FAM227B: variants seen among roughly 807,000 people sequenced by gnomAD.
FAM227B encodes the protein family with sequence similarity 227 member B, also known as protein FAM227B.
A neutral mutation model predicts 73.8 loss-of-function variants in FAM227B; 88 were observed. The ratio of observed to expected loss-of-function variants is 1.19; its 90% CI spans 1.00 to 1.42. The LOEUF is 1.42. FAM227B is among the 40% of genes most tolerant of loss of function. The probability of loss-of-function intolerance (pLI) is 0.00; values close to 1 mark genes in which losing one functional copy is unlikely to be tolerated. For missense variants in FAM227B, 632 were observed against 590.9 expected (o/e 1.07, Z -0.72); for synonymous variants, 210 against 190.5 (o/e 1.10, Z -0.84).
chr15:49,469,777 T>C (rs1373031633), intron 11 of FAM227B, among the ~76,000 whole-genome samples: 1 of 152,150 alleles, frequency 6.6e-6, no homozygotes, highest in Non-Finnish European at 1.5e-5. Flanking sequence ...AAGTGATTGA[T>C]AATAGCAGTA....
intron 11 of FAM227B, among the ~76,000 whole-genome samples, chr15:49,383,725 G>C (rs1305374129): frequency 6.6e-6 from 1 of 152,036 alleles, no homozygotes; most frequent in East Asian, 1.9e-4. Context: ...TAAGAAGTAA[G>C]TTATAAAAAA....
chr15:49,489,861 TATA>T (rs2056866887), intron 11 of FAM227B, among the ~76,000 whole-genome samples: 1 of 4,316 alleles, frequency 2.3e-4, no homozygotes, highest in African/African-American at 5.5e-4. Flanking sequence ...ATATATATTT[TATA>T]TATATATATA....
chr15:49,528,075 A>G (rs1282819944), intron 10 of FAM227B, among the ~76,000 whole-genome samples: 1 of 151,924 alleles, frequency 6.6e-6, no homozygotes, highest in Non-Finnish European at 1.5e-5. Flanking sequence ...ACAAAGTTGG[A>G]GGTATCACAT....
At chr15:49,359,623 AC>A (rs2043823704) in intron 13 of FAM227B, among the ~76,000 whole-genome samples, 1 of 125,600 alleles carries the variant, frequency 8.0e-6, no homozygotes. Flanking sequence ...AAATAGGAAC[AC>A]TTTTACACTG....
chr15:49,473,670 T>C lies in FAM227B; in HGVS notation c.1012+34541A>G, dbSNP rs545033804. Among the ~76,000 whole-genome samples, 4 of 152,256 alleles carry C rather than the reference T, an allele frequency of 2.6e-5. No homozygotes were observed. The South Asian group carries it at 6.2e-4, about 24-fold the overall frequency. On this transcript the variant is annotated intron_variant, in intron 11 of 15. Coordinates refer to ENST00000299338, the MANE Select transcript of FAM227B (RefSeq NM_152647.3). ...ATTTACAAATAGAAGAATAAAACTA[T>C]TTCTCTTATTTCAACATTTGGAAAC...
chr15:49,388,147 G>A (rs758129853), intron 11 of FAM227B, among the ~76,000 whole-genome samples: 1 of 151,648 alleles, frequency 6.6e-6, no homozygotes. Context: ...AATTCATATG[G>A]AACCAAAAAA....
chr15:49,558,902 A>C (rs2073996532), intron 9 of FAM227B, among the ~76,000 whole-genome samples: 1 of 151,682 alleles, frequency 6.6e-6, no homozygotes, highest in Non-Finnish European at 1.5e-5. Context: ...ACCAAAACTC[A>C]CTCATGTGGG....
chr15:49,558,187 A>G (rs1235211707), intron 9 of FAM227B, among the ~76,000 whole-genome samples: 4 of 151,970 alleles, frequency 2.6e-5, no homozygotes, highest in Non-Finnish European at 5.9e-5. Context: ...GAAAGCACCC[A>G]GACTAAAGAC....
At chr15:49,504,592 G>T (rs188843924) in intron 11 of FAM227B, among the ~76,000 whole-genome samples, 2 of 151,900 alleles carry the variant, frequency 1.3e-5, no homozygotes, top group Non-Finnish European at 2.9e-5. Flanking sequence ...TCATTCATGT[G>T]CATGTTAAAG....
intron 10 of FAM227B, among the ~76,000 whole-genome samples, chr15:49,536,961 C>T (rs1349520088): frequency 6.6e-6 from 1 of 151,980 alleles, no homozygotes; most frequent in African/African-American, 2.4e-5. Flanking sequence ...AGTCATAAAA[C>T]TTCTAAATGA....
chr15:49,554,769 T>G (rs1286823652), intron 9 of FAM227B, among the ~76,000 whole-genome samples: 1 of 152,160 alleles, frequency 6.6e-6, no homozygotes. Flanking sequence ...CTTGGCCTGA[T>G]TTTTGTTTTT....
chr15:49,328,081 T>C lies in FAM227B; in HGVS notation c.*487A>G, dbSNP rs1474164646. On this transcript the variant is annotated 3_prime_UTR_variant, in exon 16 of 16. Transcript: ENST00000299338. ...ACAAAGCTTATTACCAGAGGAGTGATGGAAGCTTAGCACCGGAGAAGCAAA... is the reference window on the plus strand; with the variant it reads ...ACAAAGCTTATTACCAGAGGAGTGACGGAAGCTTAGCACCGGAGAAGCAAA... 6.2e-7 allele frequency: 1 copy of C among 1,613,986 alleles called. No individual in the cohort carries two copies. Among genetic ancestry groups the C allele is most frequent in the Non-Finnish European group, 8.5e-7 (1 of 1,180,002 alleles).
intron 14 of FAM227B, 151 bp from the exon 15 acceptor site, chr15:49,332,000 G>A: frequency 1.7e-6 from 1 of 597,590 alleles, no homozygotes. Context: ...AACTTCTGAA[G>A]TAGGTACTCC....
chr15:49,367,692 C>T, intron 12 of FAM227B, 84 bp from the exon 13 acceptor site: 1 of 1,222,978 alleles, frequency 8.2e-7, no homozygotes, highest in Non-Finnish European at 1.1e-6. Context: ...TCATATTTAG[C>T]ATAAAGTTAC....
chr15:49,590,814 T>C (rs1311605309), intron 3 of FAM227B, among the ~76,000 whole-genome samples: 2 of 152,014 alleles, frequency 1.3e-5, no homozygotes, highest in Non-Finnish European at 2.9e-5. Flanking sequence ...CTTTAATCCA[T>C]TTCTCCCTTT....
intron 9 of FAM227B, among the ~76,000 whole-genome samples, chr15:49,567,439 T>C (rs1016377833): frequency 6.6e-6 from 1 of 152,104 alleles, no homozygotes; most frequent in Non-Finnish European, 1.5e-5. Flanking sequence ...CTACTAGTGA[T>C]AGTTTCTTTC....
At chr15:49,461,939 G>A (rs2053835325) in intron 11 of FAM227B, among the ~76,000 whole-genome samples, 1 of 152,194 alleles carries the variant, frequency 6.6e-6, no homozygotes, top group Non-Finnish European at 1.5e-5. Context: ...GGAGGCCGAA[G>A]CAGGCAGATT....
At chr15:49,535,230 G>T (rs141315666) in intron 10 of FAM227B, among the ~76,000 whole-genome samples, 2,716 of 151,514 alleles carry the variant, frequency 0.018, 78 homozygotes, top group African/African-American at 0.062. Context: ...CAATAAAAAG[G>T]AAAGTGGAGA....
At chr15:49,554,723 T>C (rs1372381532) in intron 9 of FAM227B, among the ~76,000 whole-genome samples, 2 of 152,204 alleles carry the variant, frequency 1.3e-5, no homozygotes, top group Non-Finnish European at 2.9e-5. Context: ...AGTGCCTCTT[T>C]CAGTGATATG....
Sources: gnomAD v4.1 joint callset for allele counts (sites outside exome capture counted in the v4.1 genomes callset) on GRCh38, gnomAD v4.1.1 for gene constraint, MANE v1.5 for transcripts, NCBI Gene and HGNC (gene_info 2026-07-23, HGNC 2026-07-21) for gene names.